SLC38A6: variants seen among roughly 807,000 people sequenced by gnomAD.
SLC38A6 encodes N system amino acid transporter NAT-1.
SLC38A6 carries 73 observed loss-of-function variants against 65.0 expected under a neutral mutation model. The observed-to-expected ratio is 1.12, with a 90% CI of 0.93 to 1.37. The LOEUF (loss-of-function observed/expected upper bound fraction) is 1.37. Among genes scored for constraint, SLC38A6 ranks in the 40% most tolerant of loss-of-function variants. SLC38A6 has a pLI of 0.00. For missense variants in SLC38A6, 561 were observed against 531.1 expected, an observed-to-expected ratio of 1.06 and a Z score of -0.55; for synonymous variants, 183 against 178.8, an observed-to-expected ratio of 1.02 and a Z score of -0.19.
At chr14:61,072,151 A>C (rs2043249372) in intron 15 of SLC38A6, among the ~76,000 whole-genome samples, 1 of 152,184 alleles carries the variant, frequency 6.6e-6, no homozygotes, top group Non-Finnish European at 1.5e-5. Flanking sequence ...GGAGGGGAGG[A>C]ATACTGTTCC....
intron 3 of SLC38A6, among the ~76,000 whole-genome samples, chr14:61,009,632 T>G (rs993641016): frequency 7.3e-5 from 11 of 151,692 alleles, no homozygotes; most frequent in Non-Finnish European, 1.5e-4. Flanking sequence ...ACATGTGGTG[T>G]TTGGTTTTTT....
At chr14:60,996,327 GAAACAAA>G in intron 3 of SLC38A6, among the ~76,000 whole-genome samples, 1 of 152,060 alleles carries the variant, frequency 6.6e-6, no homozygotes, top group South Asian at 2.1e-4. Flanking sequence ...CTGCATTCTT[GAAACAAA>G]AATAAGGAAT....
At chr14:61,076,371 C>T (rs933712211) in intron 15 of SLC38A6, among the ~76,000 whole-genome samples, 13 of 152,188 alleles carry the variant, frequency 8.5e-5, no homozygotes. Flanking sequence ...ACTGAGCTGG[C>T]ACTTCGGTGT....
At chr14:61,037,201 G>A in intron 7 of SLC38A6, 60 bp downstream of exon 7, 1 of 1,288,544 alleles carries the variant, frequency 7.8e-7, no homozygotes, top group East Asian at 2.4e-5. Flanking sequence ...GGGAGGGAAA[G>A]AGAGACAAAT....
intron 3 of SLC38A6, among the ~76,000 whole-genome samples, chr14:61,000,692 A>T (rs1188606583): frequency 1.3e-5 from 2 of 152,090 alleles, no homozygotes; most frequent in Non-Finnish European, 2.9e-5. Flanking sequence ...TATCTACATG[A>T]CGTACTGGAC....
intron 15 of SLC38A6, among the ~76,000 whole-genome samples, chr14:61,077,514 A>G (rs1210920436): frequency 1.3e-5 from 2 of 152,250 alleles, no homozygotes; most frequent in South Asian, 2.1e-4. Context: ...CATTTTTACT[A>G]TATAACTTCC....
chr14:61,083,401 T>A (rs2140015451), intron 16 of SLC38A6: 1 of 1,165,848 alleles, frequency 8.6e-7, no homozygotes, highest in Non-Finnish European at 1.2e-6. Context: ...ATGCACTCAA[T>A]TGTGTTCCAA....
intron 10 of SLC38A6, among the ~76,000 whole-genome samples, chr14:61,043,833 C>T (rs2041965890): frequency 6.6e-6 from 1 of 151,940 alleles, no homozygotes; most frequent in African/African-American, 2.4e-5. Context: ...TCCTGTTGCC[C>T]TCTGCACTTG....
At chr14:61,045,457 A>G (rs761445244) in intron 11 of SLC38A6, 32 bp downstream of exon 11, 20 of 1,504,618 alleles carry the variant, frequency 1.3e-5, no homozygotes, top group Middle Eastern at 1.7e-4. Context: ...TTTTAAATAT[A>G]TTGTGTATCT....
chr14:61,083,689 A>G (rs1321381679), exon 17 of SLC38A6: 1 of 1,548,352 alleles, frequency 6.5e-7, no homozygotes, highest in African/African-American at 1.4e-5. Context: ...GCACTTCCCA[A>G]CCTCCAGAAC....
At chr14:61,029,146 CT>C (rs2040784564) in intron 5 of SLC38A6, among the ~76,000 whole-genome samples, 1 of 149,388 alleles carries the variant, frequency 6.7e-6, no homozygotes, top group African/African-American at 2.5e-5. Context: ...ACAAAGTATA[CT>C]CTTTATTCTT....
rs147187623 is a variant in SLC38A6 at position 61,006,173 on chromosome 14, T to C, written c.311-9731T>C. The stretch of plus-strand genomic sequence containing the variant: ...CCTTCCTTACACCTTATACAAAAAT[T>C]AATTCAAGATGGATTAAAGACTTAA... On this transcript the variant is annotated intron_variant, in intron 3 of 15. Coordinates refer to ENST00000267488, the MANE Select transcript of SLC38A6 (RefSeq NM_153811.3). Among the ~76,000 whole-genome samples, 545 of 152,202 alleles carry C rather than the reference T, an allele frequency of 3.6e-3. 3 individuals are homozygous for C. Among genetic ancestry groups the C allele is most frequent in the African/African-American group, 0.011 (460 of 41,508 alleles).
chr14:61,043,013 C>A (rs934878558), intron 8 of SLC38A6, 134 bp from the exon 9 acceptor site: 2 of 575,226 alleles, frequency 3.5e-6, no homozygotes, highest in South Asian at 2.6e-5. Flanking sequence ...CCATTCTAAC[C>A]GGGAAAAGTC....
intron 3 of SLC38A6, among the ~76,000 whole-genome samples, chr14:60,986,509 G>A (rs745405087): frequency 6.6e-5 from 10 of 152,194 alleles, no homozygotes; most frequent in East Asian, 1.9e-4. Context: ...TCCAGTGCAC[G>A]CCTTTGCTCT....
intron 8 of SLC38A6, among the ~76,000 whole-genome samples, 178 bp downstream of exon 8, chr14:61,037,861 G>A (rs945955782): frequency 6.6e-6 from 1 of 152,072 alleles, no homozygotes; most frequent in African/African-American, 2.4e-5. Context: ...TTTTGAAGAG[G>A]CTTAGCTAGA....
chr14:61,010,725 G>C (rs1052050729), intron 3 of SLC38A6, among the ~76,000 whole-genome samples: 4 of 152,054 alleles, frequency 2.6e-5, no homozygotes, highest in East Asian at 1.9e-4. Context: ...GGGCTCTGTT[G>C]TGTTCCATTG....
intron 15 of SLC38A6, among the ~76,000 whole-genome samples, chr14:61,076,728 A>G (rs1200959714): frequency 6.6e-6 from 1 of 152,214 alleles, no homozygotes; most frequent in Non-Finnish European, 1.5e-5. Context: ...TCAGCCAGAC[A>G]GTATTTTGGC....
intron 12 of SLC38A6, among the ~76,000 whole-genome samples, chr14:61,049,415 A>G (rs1353159439): frequency 2.0e-5 from 3 of 152,164 alleles, no homozygotes; most frequent in African/African-American, 4.8e-5. Context: ...ACATCAGCAC[A>G]CATTCATTGA....
chr14:61,009,603 C>T (rs941986905), intron 3 of SLC38A6, among the ~76,000 whole-genome samples: 6 of 149,384 alleles, frequency 4.0e-5, no homozygotes, highest in South Asian at 4.4e-4. Flanking sequence ...CATTGTTCAA[C>T]TCCCACCTAT....
Sources: gnomAD v4.1 joint callset for allele counts (sites outside exome capture counted in the v4.1 genomes callset) on GRCh38, gnomAD v4.1.1 for gene constraint, MANE v1.5 for transcripts, NCBI Gene and HGNC (gene_info 2026-07-23, HGNC 2026-07-21) for gene names.